The following SLC35B1 variants were observed in gnomAD, a reference collection of about 807,000 sequenced individuals.
SLC35B1 encodes the protein solute carrier family 35 member B1.
A neutral mutation model predicts 36.6 loss-of-function variants in SLC35B1; 27 were observed. That is an observed-to-expected ratio of 0.74 (90% confidence interval 0.54 to 1.02). The LOEUF is 1.02. Among genes scored for constraint, SLC35B1 ranks in the 50% least tolerant of loss-of-function variants. The probability of loss-of-function intolerance (pLI) is 0.00; values close to 1 mark genes in which losing one functional copy is unlikely to be tolerated. For synonymous variants in SLC35B1, 162 were observed against 152.5 expected (o/e 1.06, Z -0.46); for missense variants, 321 against 383.2 (o/e 0.84, Z 1.35).
chr17:49,702,606 C>T, intron 8 of SLC35B1: 3 of 389,092 alleles, frequency 7.7e-6, no homozygotes, highest in Non-Finnish European at 1.4e-5. Flanking sequence ...GTGGTGCATG[C>T]CTGTAATCCT....
intron 1 of SLC35B1, 110 bp downstream of exon 1, chr17:49,707,620 C>A: frequency 6.9e-7 from 1 of 1,451,586 alleles, no homozygotes; most frequent in African/African-American, 1.4e-5. Context: ...GCTAAGAGGG[C>A]GACAGCCGGG....
At position 49,701,458 on chromosome 17, in the gene SLC35B1, C is replaced by T. The variant is rs920772371; in HGVS notation, c.969G>A (p.Ter323=). 2.5e-6 allele frequency: 4 copies of T among 1,612,010 alleles called. No individual in the cohort carries two copies. The highest frequency in any genetic ancestry group is 2.5e-6 in the Non-Finnish European group (3 of 1,178,162). ...TGATGTGGAGGTAGTCTCTCTCTTC[C>T]TAGTGGGATGTCTTCTTAGCTCCTT... ...FGKGAKKTSH[*] The change falls in exon 9 of 9, where the codon TAG becomes TAA. Residue 323 remains the stop codon, a stop_retained_variant. Coordinates refer to ENST00000240333, the MANE Select transcript of SLC35B1 (RefSeq NM_005827.4).
chr17:49,705,760 C>T (rs1056455081), intron 4 of SLC35B1, 106 bp downstream of exon 4: 3 of 1,085,748 alleles, frequency 2.8e-6, no homozygotes, highest in Non-Finnish European at 4.3e-6. Context: ...TCCCTGGAGA[C>T]AGCCATGATG....
At chr17:49,707,352 G>A (rs547909061) in intron 1 of SLC35B1, 36 of 1,431,506 alleles carry the variant, frequency 2.5e-5, no homozygotes, top group Non-Finnish European at 3.0e-5. Flanking sequence ...CCCCAGGCAG[G>A]AGGAGACGGT....
chr17:49,708,133 C>G (rs768682044), upstream of SLC35B1: 2 of 700,626 alleles, frequency 2.9e-6, no homozygotes, highest in Non-Finnish European at 2.6e-6. Flanking sequence ...ATCCCTCGCC[C>G]TGGAGATTTT....
chr17:49,706,121 T>TAAAAA, intron 3 of SLC35B1, 83 bp downstream of exon 3: 1 of 1,354,312 alleles, frequency 7.4e-7, no homozygotes, highest in Non-Finnish European at 1.0e-6. Context: ...TTTTTTTTTT[T>TAAAAA]TAACTCACAG....
intron 5 of SLC35B1, 34 bp downstream of exon 5, chr17:49,705,090 G>A (rs751618216): frequency 1.2e-6 from 2 of 1,610,880 alleles, no homozygotes; most frequent in Non-Finnish European, 1.7e-6. Flanking sequence ...TAAGTTTGCT[G>A]GAAAAGGGTG....
At position 49,703,453 on chromosome 17, in the gene SLC35B1, C is replaced by T. The variant is rs185284757; in HGVS notation, c.656-159G>A. 1,593 of 594,246 alleles carry T rather than the reference C, an allele frequency of 2.7e-3. 17 individuals are homozygous for T. In the Admixed American group the frequency reaches 0.03, roughly 11 times the overall value. 36.8% of individuals were successfully genotyped at this position (594,246 alleles called of 1,614,324 possible). On this transcript the variant is annotated intron_variant, in intron 6 of 8. Transcript: ENST00000240333. ...GAAAGTGTATGGTGTGGGTTTGCAT[C>T]GTCTCATCATTGATTCTTCTCATAT...
In SLC35B1 at chr17:49,704,218, C is replaced by T. The variant is rs148809873; in HGVS notation, c.537G>A (p.Ser179=). 9.3e-6 allele frequency: 15 copies of T among 1,613,062 alleles called. No homozygotes were observed. Among genetic ancestry groups the T allele is most frequent in the African/African-American group, 2.7e-5 (2 of 74,886 alleles). The part of the protein sequence containing the change: ...VGYGELLLLL[S]LTLDGLTGVS... Reference sequence around the variant, plus strand: ...CACCAGTCAGTCCATCCAGGGTCAGCGATAATAGCTGGGAAAGAAAGGGTG... The same window carrying T: ...CACCAGTCAGTCCATCCAGGGTCAGTGATAATAGCTGGGAAAGAAAGGGTG... The change falls in exon 6 of 9, where the codon TCG becomes TCA. Residue 179 remains serine (S), a synonymous_variant. Transcript: ENST00000240333.
At chr17:49,707,643 A>C (rs967149537) in intron 1 of SLC35B1, 87 bp downstream of exon 1, 1 of 1,498,732 alleles carries the variant, frequency 6.7e-7, no homozygotes, top group African/African-American at 1.4e-5. Context: ...GGAGGACAAG[A>C]GGAAAGCCCG....
Position 49,705,849 on chromosome 17 carries a change from C to T in SLC35B1, c.370+17G>A, listed in dbSNP as rs2073409328. ...GAAGAGTGACGACAGAAGAGGAAGACCATCTTCTTTGCTTACCTGGGATTG... is the reference window on the plus strand; with the variant it reads ...GAAGAGTGACGACAGAAGAGGAAGATCATCTTCTTTGCTTACCTGGGATTG... On this transcript the variant is annotated intron_variant, in intron 4 of 8. Coordinates refer to ENST00000240333, the MANE Select transcript of SLC35B1 (RefSeq NM_005827.4). 2 of 1,611,954 alleles carry T rather than the reference C, an allele frequency of 1.2e-6. No individual in the cohort carries two copies. Among genetic ancestry groups the T allele is most frequent in the Non-Finnish European group, 1.7e-6 (2 of 1,178,018 alleles).
chr17:49,706,376 G>GAAAAAAAA, intron 2 of SLC35B1, 42 bp from the exon 3 acceptor site: 5 of 517,164 alleles, frequency 9.7e-6, no homozygotes, highest in South Asian at 1.1e-4. Flanking sequence ...GAAAAGAAAA[G>GAAAAAAAA]AAAAAAAAAA....
Position 49,706,304 on chromosome 17 carries a change from T to G in SLC35B1, c.239A>C (p.Asp80Ala). The G allele has an allele frequency of 6.8e-7, 1 of 1,462,388 alleles. No homozygotes were observed. The allele number at this position is 1,462,388 out of a possible 1,614,324, so 90.6% of individuals were successfully genotyped here. The stretch of plus-strand genomic sequence containing the variant: ...AGCATAGAGCCAGCTCCGGGTACGA[T>G]CCACCCTGGCAGTGTCAAAAAACTG... Reference protein sequence around the residue: ...LIQFFDTARVDRTRSWLYAAC... With the variant: ...LIQFFDTARVARTRSWLYAAC... The change falls in exon 3 of 9, where the codon GAT becomes GCT. Residue 80 changes from aspartate to alanine, a missense_variant. Transcript: ENST00000240333.
chr17:49,706,835 G>A (rs1033548684), intron 2 of SLC35B1, 130 bp downstream of exon 2: 23 of 679,660 alleles, frequency 3.4e-5, no homozygotes, highest in African/African-American at 3.2e-4. Context: ...TTCACAGAGA[G>A]GCTGTGTAAG....
Position 49,707,747 on chromosome 17 carries a change from C to T in SLC35B1, c.87G>A (p.Gly29=), listed in dbSNP as rs752985911. The T allele has an allele frequency of 6.2e-7, 1 of 1,611,894 alleles. No homozygotes were observed. Among genetic ancestry groups the T allele is most frequent in the African/African-American group, 1.3e-5 (1 of 74,862 alleles). The change falls in exon 1 of 9, where the codon GGG becomes GGA. Residue 29 remains glycine, a synonymous_variant. Coordinates refer to ENST00000240333, the MANE Select transcript of SLC35B1 (RefSeq NM_005827.4). ...LGVFVCYFYY[G]ILQEKITRGK... ...TCGCTCACATCTTTTCCTGCAGGAT[C>T]CCATAGTAAAAATAGCAGACAAAGA... is the stretch of plus-strand genomic sequence containing the variant.
rs775674362 is a variant in SLC35B1, at chr17:49,707,922, C to T, written c.-89G>A. 7 of 1,572,920 alleles carry T rather than the reference C, an allele frequency of 4.5e-6. No individual in the cohort carries two copies. The Admixed American group carries it at 1.3e-4, about 30-fold the overall frequency. On this transcript the variant is annotated 5_prime_UTR_variant, in exon 1 of 9. Transcript: ENST00000240333. ...AGGCGACAGCTCCAGCCGGACATCG[C>T]CGACCGGCGGCAGGGGCCTCATAGG...
intron 8 of SLC35B1, chr17:49,702,550 C>A (rs1361827184): frequency 2.2e-5 from 5 of 228,026 alleles, no homozygotes; most frequent in African/African-American, 1.1e-4. Context: ...CTGACCAACA[C>A]GGAGAAACCC....
chr17:49,705,550 G>T, intron 4 of SLC35B1: 1 of 585,284 alleles, frequency 1.7e-6, no homozygotes, highest in South Asian at 2.1e-5. Context: ...AGAAGGAAAA[G>T]AAGTTGAGAT....
intron 2 of SLC35B1, 22 bp from the exon 3 acceptor site, chr17:49,706,356 A>AAAAAAG: frequency 7.3e-7 from 1 of 1,375,370 alleles, no homozygotes; most frequent in Non-Finnish European, 9.6e-7. Flanking sequence ...CAAAAAAAAA[A>AAAAAAG]AAAAAAAAAG....
Sources: gnomAD v4.1 joint callset for allele counts on GRCh38, gnomAD v4.1.1 for gene constraint, MANE v1.5 for transcripts, NCBI Gene and HGNC (gene_info 2026-07-23, HGNC 2026-07-21) for gene names.